CUL9: variants seen among roughly 807,000 people sequenced by gnomAD.
The protein encoded by CUL9 is cullin 9, also known as cullin-9.
CUL9 carries 79 observed loss-of-function variants against 272.6 expected under a neutral mutation model. The observed-to-expected ratio is 0.29, with a 90% confidence interval of 0.24 to 0.35. The LOEUF is 0.35. CUL9 is among the 10% of genes least tolerant of loss of function. The probability of loss-of-function intolerance (pLI) is 1.00; values close to 1 mark genes in which losing one functional copy is unlikely to be tolerated. For missense variants in CUL9, 2,532 were observed against 3,255.6 expected, an observed-to-expected ratio of 0.78 and a Z score of 5.41; for synonymous variants, 1,186 against 1,286.5, an observed-to-expected ratio of 0.92 and a Z score of 1.67.
rs1023533981 is a variant in CUL9 at position 43,196,307 on chromosome 6, C to G, written c.2585+42C>G. ...CCCAACTCCAGGCTCCTGCTTAGTC[C>G]CAAACCCTGCTACTCCTGTGCTCCA... On this transcript the variant is annotated intron_variant, in intron 10 of 40. Transcript: ENST00000252050. The G allele has an allele frequency of 1.9e-6, 3 of 1,557,962 alleles. No individual in the cohort carries two copies. The African/African-American group carries it at 4.1e-5, about 21-fold the overall frequency.
intron 26 of CUL9, among the ~76,000 whole-genome samples, chr6:43,210,546 T>C (rs1011586600): frequency 8.5e-5 from 13 of 152,340 alleles, no homozygotes; most frequent in Non-Finnish European, 1.6e-4. Flanking sequence ...GGAGATACTT[T>C]AAAATCATGC....
chr6:43,215,217 G>A lies in CUL9; in HGVS notation c.5827G>A (p.Asp1943Asn). 6.2e-7 allele frequency: 1 copy of A among 1,614,212 alleles called. No individual in the cohort carries two copies. Residue 1943 changes from aspartate to asparagine, a missense_variant, in exon 30 of 41, where the codon GAT (aspartate) becomes AAT (asparagine). Around this residue, in one of 3 missense-constraint regions of CUL9, gnomAD observed 2,218 missense variants for 2,788.6 expected, o/e 0.80. Transcript: ENST00000252050. The stretch of plus-strand genomic sequence containing the variant: ...AGGCCAGGGCTACGTGAAACGGCGT[G>A]ATGACCGGCCCCAGATCCTGATGTA... Reference protein sequence around the residue: ...LLGQGYVKRRDDRPQILMYAA... With the variant: ...LLGQGYVKRRNDRPQILMYAA...
At chr6:43,208,445 G>T (rs920631496) in intron 26 of CUL9, among the ~76,000 whole-genome samples, 3 of 152,184 alleles carry the variant, frequency 2.0e-5, no homozygotes, top group African/African-American at 7.2e-5. Flanking sequence ...GCCTCAGGTG[G>T]TCCAGCTGCC....
At chr6:43,222,744 A>G in intron 37 of CUL9, 35 bp from the exon 38 acceptor site, 1 of 1,608,664 alleles carries the variant, frequency 6.2e-7, no homozygotes. Context: ...GAATGAGGAG[A>G]GGGCAGGCGG....
Position 43,196,629 on chromosome 6 carries a change from A to T in CUL9, c.2586-16A>T, listed in dbSNP as rs112283286. 1 of 1,604,398 alleles carries T rather than the reference A, an allele frequency of 6.2e-7. No individual in the cohort carries two copies. The highest frequency in any genetic ancestry group is 1.3e-5 in the African/African-American group (1 of 74,436). On this transcript the variant is annotated splice_polypyrimidine_tract_variant and intron_variant, in intron 10 of 40. Transcript: ENST00000252050. ...ATGGTCTCTCAGTTTCTTCCTGGTC[A>T]CCTCCCTCCTCCCAGGTGCTCTTCT... is the stretch of plus-strand genomic sequence containing the variant.
In CUL9 at chr6:43,200,435, G is replaced by T; in HGVS notation, c.3385-1G>T. 6.2e-7 allele frequency: 1 copy of T among 1,614,122 alleles called. No individual in the cohort carries two copies. The highest frequency in any genetic ancestry group is 8.5e-7 in the Non-Finnish European group (1 of 1,180,016). ...CATTCTCCCTGATGTTCCGGCTGCA[G>T]ATGGTGCTGGGCCAGATCGAAGACC... On this transcript the variant is annotated splice_acceptor_variant, in intron 14 of 40. Coordinates refer to ENST00000252050, the MANE Select transcript of CUL9 (RefSeq NM_015089.4). LOFTEE classifies it high-confidence loss of function. The surrounding 1 kb of genome is among the most constrained non-coding windows in gnomAD (Gnocchi z 4.0).
chr6:43,204,942 T>C lies in CUL9; in HGVS notation c.4459T>C (p.Phe1487Leu). Residue 1487 changes from phenylalanine to leucine, a missense_variant, in exon 23 of 41, where the codon TTC becomes CTC. Phe to Leu is a conservative substitution (Grantham distance 22, BLOSUM62 0). This residue lies in a region of CUL9 where 2,218 missense variants were observed against 2,788.6 expected (regional missense o/e 0.80). Transcript: ENST00000252050. ...LSVVQEQVSR[F>L]LAAAWRAPDF... ...TTGCCTTTCTCCTCAGGTCAGCAGA[T>C]TCCTGGCTGCAGCTTGGAGGGCCCC... is the stretch of plus-strand genomic sequence containing the variant. 1 of 1,608,438 alleles carries C rather than the reference T, an allele frequency of 6.2e-7. No homozygotes were observed. The highest frequency in any genetic ancestry group is 1.1e-5 in the South Asian group (1 of 90,620).
At chr6:43,182,648 A>G (rs1333687416) in intron 1 of CUL9, among the ~76,000 whole-genome samples, 2 of 151,686 alleles carry the variant, frequency 1.3e-5, no homozygotes, top group African/African-American at 2.4e-5. Flanking sequence ...ATCGCTGGCT[A>G]CCATCCAGGC....
In CUL9 at chr6:43,203,505, G is replaced by A. The variant is rs369458856; in HGVS notation, c.3938G>A (p.Arg1313Gln). ...CTGTTCCGGGAGCAGCTGTGTCGCC[G>A]AACATGTCTCTTCTACACAATTCGG... Reference protein sequence around the residue: ...WPLFREQLCRRTCLFYTIRAQ... With the variant: ...WPLFREQLCRQTCLFYTIRAQ... The change falls in exon 19 of 41, where the codon CGA (arginine) becomes CAA (glutamine). Residue 1313 changes from arginine (R) to glutamine (Q), a missense_variant. By Grantham distance (43) the Arg-to-Gln change is conservative (BLOSUM62 1). Transcript: ENST00000252050. The surrounding 1 kb of genome is among the most constrained non-coding windows in gnomAD (Gnocchi z 5.0). 1.1e-5 allele frequency: 18 copies of A among 1,614,020 alleles called. No individual in the cohort carries two copies. Among genetic ancestry groups the A allele is most frequent in the African/African-American group, 1.1e-4 (8 of 74,898 alleles).
chr6:43,221,408 A>T lies in CUL9; in HGVS notation c.6752+87A>T. The T allele has an allele frequency of 1.4e-6, 2 of 1,449,778 alleles. No homozygotes were observed. Among genetic ancestry groups the T allele is most frequent in the Non-Finnish European group, 1.8e-6 (2 of 1,088,064 alleles). The allele number at this position is 1,449,778 out of a possible 1,614,324, so 89.8% of individuals were successfully genotyped here. On this transcript the variant is annotated intron_variant, in intron 34 of 40. Transcript: ENST00000252050. This position sits in a 1 kb window ranked among gnomAD's most constrained non-coding sequence, Gnocchi z 4.2. ...GGAGGGGGGAACGGGCTTAGTGTAA[A>T]GCTCAGCAAAAGAGGGTGGTTCCTC... is the stretch of plus-strand genomic sequence containing the variant.
At chr6:43,205,853 G>C (rs1285302561) in intron 24 of CUL9, among the ~76,000 whole-genome samples, 154 bp from the exon 25 acceptor site, 2 of 151,758 alleles carry the variant, frequency 1.3e-5, no homozygotes, top group Non-Finnish European at 2.9e-5. Context: ...AAAAGTGGAG[G>C]TGGTCATGCA....
At position 43,200,654 on chromosome 6, in the gene CUL9, T is replaced by C; in HGVS notation, c.3476-9T>C. 6.2e-7 allele frequency: 1 copy of C among 1,614,124 alleles called. No homozygotes were observed. Among genetic ancestry groups the C allele is most frequent in the Non-Finnish European group, 8.5e-7 (1 of 1,180,002 alleles). Reference sequence around the variant, plus strand: ...GCTGTGACTGCCACCCCTTCCCACTTGCCCCCAGGCTCCAGTGTGGAAGTG... The same window carrying C: ...GCTGTGACTGCCACCCCTTCCCACTCGCCCCCAGGCTCCAGTGTGGAAGTG... On this transcript the variant is annotated splice_polypyrimidine_tract_variant and intron_variant, in intron 15 of 40. Coordinates refer to ENST00000252050, the MANE Select transcript of CUL9 (RefSeq NM_015089.4). The surrounding 1 kb of genome is among the most constrained non-coding windows in gnomAD (Gnocchi z 4.0).
At chr6:43,207,017 T>C (rs1286894790) in intron 26 of CUL9, among the ~76,000 whole-genome samples, 1 of 152,214 alleles carries the variant, frequency 6.6e-6, no homozygotes, top group East Asian at 1.9e-4. Flanking sequence ...GCTAATTGTG[T>C]ATTTTTAGTA....
chr6:43,204,988 G>C lies in CUL9; in HGVS notation c.4505G>C (p.Cys1502Ser). The C allele has an allele frequency of 9.9e-6, 16 of 1,612,982 alleles. No individual in the cohort carries two copies. Among genetic ancestry groups the C allele is most frequent in the Non-Finnish European group, 1.4e-5 (16 of 1,179,352 alleles). ...WRAPDFVPRYCKLYEHLQRAG... is the reference protein window; with the variant it reads ...WRAPDFVPRYSKLYEHLQRAG... ...GCCCCAGACTTTGTGCCTCGTTACT[G>C]TAAACTCTATGAGCACTTGCAGAGA... The change falls in exon 23 of 41, where the codon TGT (cysteine) becomes TCT (serine). Residue 1502 changes from cysteine to serine, a missense_variant. By Grantham distance (112) the Cys-to-Ser change is moderately radical (BLOSUM62 -1). Transcript: ENST00000252050.
intron 11 of CUL9, 145 bp downstream of exon 11, chr6:43,197,007 G>A (rs542741802): frequency 1.1e-4 from 77 of 670,880 alleles, no homozygotes; most frequent in Admixed American, 1.7e-4. Context: ...AGAACTTCCC[G>A]ACCAAGAAGA....
chr6:43,216,335 G>A lies in CUL9; in HGVS notation c.6114G>A (p.Leu2038=), dbSNP rs200571477. 119 of 1,614,080 alleles carry A rather than the reference G, an allele frequency of 7.4e-5. No individual in the cohort carries two copies. The highest frequency in any genetic ancestry group is 1.9e-5 in the Non-Finnish European group (23 of 1,180,046). Residue 2038 remains leucine (L), a synonymous_variant, in exon 31 of 41, where the codon CTG becomes CTA. Transcript: ENST00000252050. The part of the protein sequence containing the change: ...LAHSHWGAEQ[L]LQSYSEDPEP... ...ATTCCCACTGGGGCGCTGAACAGCT[G>A]CTGCAGAGCTACAGTGAGGACCCTG...
Position 43,222,558 on chromosome 6 carries a change from G to C in CUL9, c.6949G>C (p.Val2317Leu). 1.9e-6 allele frequency: 3 copies of C among 1,613,822 alleles called. No individual in the cohort carries two copies. The highest frequency in any genetic ancestry group is 2.5e-6 in the Non-Finnish European group (3 of 1,180,018). The change falls in exon 37 of 41, where the codon GTG becomes CTG. Residue 2317 changes from valine to leucine, a missense_variant. By Grantham distance (32) the Val-to-Leu change is conservative (BLOSUM62 1). Transcript: ENST00000252050. ...GTTTGCTGTGAACTTGCGGAACCGG[G>C]TGTCTGCCATCCATGAAGTGCCCCC... Reference protein sequence around the residue: ...REFAVNLRNRVSAIHEVPPPR... With the variant: ...REFAVNLRNRLSAIHEVPPPR...
Position 43,188,069 on chromosome 6 carries a change from G to T in CUL9, c.1938G>T (p.Leu646=), listed in dbSNP as rs781308070. The T allele has an allele frequency of 8.1e-6, 13 of 1,613,724 alleles. No homozygotes were observed. Among genetic ancestry groups the T allele is most frequent in the African/African-American group, 1.3e-5 (1 of 74,874 alleles). Residue 646 remains leucine (L), a synonymous_variant, in exon 7 of 41, where the codon CTG becomes CTT. Transcript: ENST00000252050. ...ATTCTCAGCTGTTTAACCAGCTTCT[G>T]GTGACTGAGGGGATGACCCTGCCCA... is the stretch of plus-strand genomic sequence containing the variant. ...QSDSQLFNQL[L]VTEGMTLPTE...
chr6:43,204,509 G>A lies in CUL9; in HGVS notation c.4309G>A (p.Gly1437Arg). ...HLLVHVEPPP[G>R]PSPEPSTRPF... ...GCTGGTGCATGTGGAACCTCCTCCT[G>A]GGCCTTCTCCTGAGCCATCCACTCG... The change falls in exon 21 of 41, where the codon GGG becomes AGG. Residue 1437 changes from glycine (G) to arginine (R), a missense_variant. Physicochemically the swap from Gly to Arg is moderately radical, Grantham distance 125. Around this residue, in one of 3 missense-constraint regions of CUL9, gnomAD observed 2,218 missense variants for 2,788.6 expected, o/e 0.80. Coordinates refer to ENST00000252050, the MANE Select transcript of CUL9 (RefSeq NM_015089.4). 1 of 1,614,050 alleles carries A rather than the reference G, an allele frequency of 6.2e-7. No homozygotes were observed. The highest frequency in any genetic ancestry group is 1.1e-5 in the South Asian group (1 of 91,078).
Sources: allele counts gnomAD v4.1 joint callset (sites outside exome capture counted in the v4.1 genomes callset), GRCh38; gene constraint gnomAD v4.1.1; regional missense constraint gnomAD v4.1.1; non-coding constraint Gnocchi (gnomAD v3.1); transcripts MANE v1.5; gene names NCBI Gene and HGNC (gene_info 2026-07-23, HGNC 2026-07-21).